The following DLGAP2 variants were observed in gnomAD, a reference collection of about 807,000 sequenced individuals.
DLGAP2 encodes DLG associated protein 2.
DLGAP2 carries 26 observed loss-of-function variants against 100.3 expected under a neutral mutation model. That is an observed-to-expected ratio of 0.26 (90% confidence interval 0.19 to 0.36). The LOEUF (loss-of-function observed/expected upper bound fraction) is 0.36, where lower values mean the gene tolerates loss of function less well. Among genes scored for constraint, DLGAP2 ranks in the 10% least tolerant of loss-of-function variants. The pLI is 1.00. For synonymous variants in DLGAP2, 886 were observed against 630.1 expected (o/e 1.41, Z -6.08); for missense variants, 1,858 against 1,453.2 (o/e 1.28, Z -4.53).
chr8:1,477,762 C>T (rs540828523), intron 3 of DLGAP2, among the ~76,000 whole-genome samples: 1 of 150,958 alleles, frequency 6.6e-6, no homozygotes, highest in South Asian at 2.1e-4. Flanking sequence ...CACAAGAAAC[C>T]AGATTATGTG....
At chr8:1,185,024 G>A (rs1275337884) in intron 2 of DLGAP2, among the ~76,000 whole-genome samples, 1 of 152,184 alleles carries the variant, frequency 6.6e-6, no homozygotes, top group South Asian at 2.1e-4. Flanking sequence ...TCTGACCCGG[G>A]GGACGGGGGA....
chr8:913,195 T>G (rs958566801), intron 2 of DLGAP2, among the ~76,000 whole-genome samples: 1 of 152,228 alleles, frequency 6.6e-6, no homozygotes, highest in Admixed American at 6.5e-5. Context: ...TGTTTCTGCA[T>G]GTAGAGCTGT....
chr8:874,327 T>C (rs1457060669), intron 1 of DLGAP2, among the ~76,000 whole-genome samples: 2 of 152,186 alleles, frequency 1.3e-5, no homozygotes, highest in African/African-American at 2.4e-5. Flanking sequence ...TTTTCCTTCA[T>C]AGAAGCATTT....
At chr8:1,673,566 G>A (rs558729103) in intron 10 of DLGAP2, among the ~76,000 whole-genome samples, 1 of 152,206 alleles carries the variant, frequency 6.6e-6, no homozygotes, top group Admixed American at 6.5e-5. Flanking sequence ...TGCCTTTAAT[G>A]TAATATACAT....
intron 1 of DLGAP2, among the ~76,000 whole-genome samples, chr8:872,691 C>T (rs1391614664): frequency 6.6e-6 from 1 of 152,188 alleles, no homozygotes; most frequent in Non-Finnish European, 1.5e-5. Context: ...ACTACTCACC[C>T]ATTCAAAGTG....
chr8:1,026,433 GA>G (rs1563151816), intron 2 of DLGAP2, among the ~76,000 whole-genome samples: 1 of 152,144 alleles, frequency 6.6e-6, no homozygotes, highest in East Asian at 1.9e-4. Context: ...CTGCACCCTG[GA>G]ATGCCTTGCA....
At chr8:1,031,788 C>CA (rs1174075038) in intron 2 of DLGAP2, among the ~76,000 whole-genome samples, 1 of 152,064 alleles carries the variant, frequency 6.6e-6, no homozygotes, top group Non-Finnish European at 1.5e-5. Flanking sequence ...ATGAGTTTAC[C>CA]AAAAAATAAA....
intron 8 of DLGAP2, among the ~76,000 whole-genome samples, chr8:1,657,731 C>A (rs1373870267): frequency 6.6e-6 from 1 of 152,150 alleles, no homozygotes; most frequent in Non-Finnish European, 1.5e-5. Flanking sequence ...ATCTCTATAT[C>A]AAAATCATTT....
chr8:1,373,005 C>T (rs886395025), intron 3 of DLGAP2, among the ~76,000 whole-genome samples: 6 of 152,158 alleles, frequency 3.9e-5, no homozygotes, highest in Admixed American at 1.3e-4. Context: ...ATGACAGTTT[C>T]GCTCATAGTT....
chr8:1,419,433 C>T (rs941301113), intron 3 of DLGAP2, among the ~76,000 whole-genome samples: 3 of 58,244 alleles, frequency 5.2e-5, no homozygotes, highest in African/African-American at 8.2e-5. Context: ...CTGTGTTACA[C>T]TCTGATACGT....
intron 2 of DLGAP2, among the ~76,000 whole-genome samples, chr8:1,251,357 G>GTT (rs1799036280): frequency 6.6e-6 from 1 of 152,182 alleles, no homozygotes; most frequent in East Asian, 1.9e-4. Context: ...ATGAGAGAGT[G>GTT]TTTTGCCTTT....
intron 2 of DLGAP2, among the ~76,000 whole-genome samples, chr8:950,423 C>A (rs557735402): frequency 5.9e-4 from 90 of 152,200 alleles, no homozygotes; most frequent in Non-Finnish European, 1.2e-3. Flanking sequence ...CAAGCGCTTC[C>A]TGCGGGTCAC....
At chr8:1,682,078 G>C (rs140070581) in intron 12 of DLGAP2, among the ~76,000 whole-genome samples, 2 of 152,292 alleles carry the variant, frequency 1.3e-5, no homozygotes, top group Non-Finnish European at 2.9e-5. Flanking sequence ...CTGCTTCCAT[G>C]CTGGATGTGC....
At chr8:868,744 T>C (rs1797543416) in intron 1 of DLGAP2, among the ~76,000 whole-genome samples, 1 of 152,138 alleles carries the variant, frequency 6.6e-6, no homozygotes, top group Admixed American at 6.5e-5. Flanking sequence ...TGGAGTCCTC[T>C]TGCACAAACA....
In DLGAP2 at chr8:859,047, A is replaced by G. The variant is rs112277586; in HGVS notation, c.19-48865A>G. ...TAAAAAATAGTATTTTAATTAAAAAATACATCGACATTCTTATTTTATTGT... is the reference window on the plus strand; with the variant it reads ...TAAAAAATAGTATTTTAATTAAAAAGTACATCGACATTCTTATTTTATTGT... On this transcript the variant is annotated intron_variant, in intron 1 of 14. Coordinates refer to ENST00000637795, the MANE Select transcript of DLGAP2 (RefSeq NM_001346810.2). Among the ~76,000 whole-genome samples the G allele has an allele frequency of 1.2e-3, 177 of 152,296 alleles. 3 individuals are homozygous for G. Among genetic ancestry groups the G allele is most frequent in the African/African-American group, 4.2e-3 (176 of 41,546 alleles).
chr8:1,491,053 A>AG (rs1563180002), intron 3 of DLGAP2, among the ~76,000 whole-genome samples: 1 of 137,744 alleles, frequency 7.3e-6, no homozygotes, highest in East Asian at 2.1e-4. Flanking sequence ...AATAAAATAA[A>AG]ATAAATAAAA....
intron 2 of DLGAP2, among the ~76,000 whole-genome samples, chr8:1,201,456 A>T (rs1563249848): frequency 6.6e-6 from 1 of 152,156 alleles, no homozygotes; most frequent in Middle Eastern, 3.2e-3. Context: ...CTGGAAGGGG[A>T]GGAAGATTCT....
chr8:1,584,847 T>C (rs946993388), intron 6 of DLGAP2, among the ~76,000 whole-genome samples: 3 of 152,116 alleles, frequency 2.0e-5, no homozygotes, highest in Non-Finnish European at 2.9e-5. Context: ...CTTACATCTC[T>C]TCATGGATTT....
chr8:1,326,993 A>G (rs867069556), intron 3 of DLGAP2, among the ~76,000 whole-genome samples: 26 of 152,232 alleles, frequency 1.7e-4, no homozygotes, highest in Middle Eastern at 6.3e-3. Flanking sequence ...GCCTTGGGCT[A>G]TGAGGGTGAA....
Sources: gnomAD v4.1 joint callset for allele counts (sites outside exome capture counted in the v4.1 genomes callset) on GRCh38, gnomAD v4.1.1 for gene constraint, MANE v1.5 for transcripts, NCBI Gene and HGNC (gene_info 2026-07-23, HGNC 2026-07-21) for gene names.